Variants in TAF3 observed in about 807,000 individuals in gnomAD.
TAF3 encodes the protein TATA-box binding protein associated factor 3.
In TAF3, 7 loss-of-function variants were observed where a neutral mutation model predicts 80.6. The ratio of observed to expected loss-of-function variants is 0.09; its 90% CI spans 0.05 to 0.16. The LOEUF is 0.16. Ranked by LOEUF, TAF3 falls within the 10% of genes least tolerant of loss-of-function variation. The pLI is 1.00. For synonymous variants in TAF3, 444 were observed against 446.1 expected (o/e 1.00, Z 0.06); for missense variants, 921 against 1,140.2 (o/e 0.81, Z 2.77).
intron 2 of TAF3, among the ~76,000 whole-genome samples, chr10:7,906,755 T>G (rs1837611603): frequency 6.6e-6 from 1 of 151,328 alleles, no homozygotes; most frequent in East Asian, 2.0e-4. Flanking sequence ...ATAGGCACCT[T>G]ATGCCTTTAT....
intron 4 of TAF3, among the ~76,000 whole-genome samples, chr10:7,996,414 A>G (rs1450741539): frequency 6.6e-6 from 1 of 152,202 alleles, no homozygotes; most frequent in East Asian, 1.9e-4. Flanking sequence ...ATGTGCTGCC[A>G]GCCATCCAGC....
intron 2 of TAF3, among the ~76,000 whole-genome samples, chr10:7,923,489 C>T (rs910585401): frequency 3.3e-5 from 5 of 151,394 alleles, no homozygotes; most frequent in Non-Finnish European, 1.5e-5. Context: ...CAGTATGTGC[C>T]ATATCTTTAT....
At chr10:7,934,714 G>A (rs1446396876) in intron 2 of TAF3, among the ~76,000 whole-genome samples, 2 of 151,854 alleles carry the variant, frequency 1.3e-5, no homozygotes, top group Admixed American at 6.6e-5. Flanking sequence ...CAAAGTGCTG[G>A]GATTACAGGT....
intron 4 of TAF3, among the ~76,000 whole-genome samples, chr10:7,996,413 C>T (rs1477404757): frequency 1.3e-5 from 2 of 152,188 alleles, no homozygotes; most frequent in African/African-American, 2.4e-5. Flanking sequence ...CATGTGCTGC[C>T]AGCCATCCAG....
intron 2 of TAF3, among the ~76,000 whole-genome samples, chr10:7,838,607 C>T (rs139152455): frequency 0.061 from 9,214 of 152,214 alleles, 369 homozygotes; most frequent in Non-Finnish European, 0.089. Context: ...GTCTCAAACT[C>T]CTGACCTCAG....
chr10:7,866,216 CTG>C (rs1837213456), intron 2 of TAF3, among the ~76,000 whole-genome samples: 1 of 152,254 alleles, frequency 6.6e-6, no homozygotes, highest in African/African-American at 2.4e-5. Flanking sequence ...CATGTCCACT[CTG>C]TGCCGTCACT....
Position 7,871,539 on chromosome 10 carries a change from G to A in TAF3, c.409+46979G>A, listed in dbSNP as rs1384007942. Among the ~76,000 whole-genome samples the A allele has an allele frequency of 4.1e-5, 6 of 145,070 alleles. No individual in the cohort carries two copies. In the East Asian group the frequency reaches 1.3e-3, roughly 30 times the overall value. ...GCTCATTGCAATCTCCGCCTCCCAGGTTCAAGTGATTCTGCTGCCTCAGCC... is the reference window on the plus strand; with the variant it reads ...GCTCATTGCAATCTCCGCCTCCCAGATTCAAGTGATTCTGCTGCCTCAGCC... On this transcript the variant is annotated intron_variant, in intron 2 of 6. Transcript: ENST00000344293.
intron 2 of TAF3, among the ~76,000 whole-genome samples, chr10:7,827,337 A>C (rs1836751995): frequency 6.6e-6 from 1 of 152,174 alleles, no homozygotes; most frequent in South Asian, 2.1e-4. Context: ...TTTTTTGTTA[A>C]CACATTTATA....
chr10:7,940,485 A>G (rs946407002), intron 2 of TAF3, among the ~76,000 whole-genome samples: 1 of 152,266 alleles, frequency 6.6e-6, no homozygotes, highest in African/African-American at 2.4e-5. Context: ...CTAATCCTGG[A>G]TAACTCCGAT....
chr10:7,857,649 A>G (rs913735008), intron 2 of TAF3, among the ~76,000 whole-genome samples: 5 of 152,178 alleles, frequency 3.3e-5, no homozygotes, highest in African/African-American at 1.2e-4. Flanking sequence ...ATGAAAGGGT[A>G]ATTGTATTTT....
At chr10:8,014,490 C>G (rs916605610) in intron 6 of TAF3, 147 bp from the exon 7 acceptor site, 2 of 624,056 alleles carry the variant, frequency 3.2e-6, no homozygotes, top group African/African-American at 3.7e-5. Flanking sequence ...GCATGCCCAA[C>G]AATAGTGCTA....
chr10:8,002,382 A>T (rs1237003329), intron 4 of TAF3, among the ~76,000 whole-genome samples: 1 of 152,214 alleles, frequency 6.6e-6, no homozygotes, highest in African/African-American at 2.4e-5. Flanking sequence ...GAATGGATAG[A>T]AAAATACACT....
chr10:7,820,122 C>T (rs1370373125), intron 1 of TAF3, among the ~76,000 whole-genome samples: 4 of 152,208 alleles, frequency 2.6e-5, no homozygotes, highest in Non-Finnish European at 5.9e-5. Context: ...TTCCTACATG[C>T]GTGCTGTTTC....
At chr10:7,890,040 T>C (rs1043850958) in intron 2 of TAF3, among the ~76,000 whole-genome samples, 5 of 152,344 alleles carry the variant, frequency 3.3e-5, no homozygotes, top group Admixed American at 2.0e-4. Flanking sequence ...TTTTTCCAGT[T>C]ATTTTGACTT....
intron 2 of TAF3, chr10:7,833,811 T>C: frequency 2.2e-6 from 1 of 461,520 alleles, no homozygotes; most frequent in Non-Finnish European, 3.5e-6. Context: ...GGTGGCCAAT[T>C]GCAGTTCTTC....
chr10:7,948,525 A>G (rs573910126), intron 2 of TAF3, among the ~76,000 whole-genome samples: 1 of 152,318 alleles, frequency 6.6e-6, no homozygotes, highest in Admixed American at 6.5e-5. Flanking sequence ...TTGTAATTTC[A>G]TAGCATTTTT....
chr10:7,868,726 T>A (rs960173611), intron 2 of TAF3, among the ~76,000 whole-genome samples: 4 of 152,212 alleles, frequency 2.6e-5, no homozygotes, highest in African/African-American at 4.8e-5. Context: ...TATATAAAGA[T>A]CCTAGTGCCA....
At position 7,977,276 on chromosome 10, in the gene TAF3, A is replaced by G. The variant is rs1357963149; in HGVS notation, c.2268A>G (p.Pro756=). ...AACCAGTCGCTCTGGCCCCGAGTCC[A>G]GTTATCCCCAGATTAACTCTCCGAG... is the stretch of plus-strand genomic sequence containing the variant. ...KVEPVALAPS[P]VIPRLTLRVG... Residue 756 remains proline (P), a synonymous_variant, in exon 4 of 7, where the codon CCA becomes CCG. Coordinates refer to ENST00000344293, the MANE Select transcript of TAF3 (RefSeq NM_031923.4). The G allele has an allele frequency of 6.2e-7, 1 of 1,614,218 alleles. No homozygotes were observed. The highest frequency in any genetic ancestry group is 1.1e-5 in the South Asian group (1 of 91,082).
chr10:7,898,076 C>T (rs113808455), intron 2 of TAF3, among the ~76,000 whole-genome samples: 1,672 of 152,190 alleles, frequency 0.011, 20 homozygotes, highest in Middle Eastern at 0.031. Flanking sequence ...TTTTCAAAAG[C>T]TTTTCTTGAT....
Sources: allele counts gnomAD v4.1 joint callset (sites outside exome capture counted in the v4.1 genomes callset), GRCh38; gene constraint gnomAD v4.1.1; transcripts MANE v1.5; gene names NCBI Gene and HGNC (gene_info 2026-07-23, HGNC 2026-07-21).